Variants in PCDHGA1 observed in about 807,000 individuals in gnomAD.
The protein encoded by PCDHGA1 is protocadherin gamma-A1.
In PCDHGA1, 32 loss-of-function variants were observed where a neutral mutation model predicts 58.0. The ratio of observed to expected loss-of-function variants is 0.55; its 90% confidence interval spans 0.42 to 0.74. The LOEUF (loss-of-function observed/expected upper bound fraction) is 0.74, where lower values mean the gene tolerates loss of function less well. Ranked by LOEUF, PCDHGA1 falls within the 30% of genes least tolerant of loss-of-function variation. PCDHGA1 has a pLI of 0.00. For synonymous variants in PCDHGA1, 498 were observed against 501.1 expected (o/e 0.99, Z 0.08); for missense variants, 1,205 against 1,182.3 (o/e 1.02, Z -0.28).
chr5:141,331,835 G>A lies in PCDHGA1; in HGVS notation c.1151G>A (p.Cys384Tyr). 3.1e-6 allele frequency: 5 copies of A among 1,614,108 alleles called. No homozygotes were observed. The highest frequency in any genetic ancestry group is 4.2e-6 in the Non-Finnish European group (5 of 1,180,008). ...TCAGGAGACAATGGCTACACCACAT[G>A]TTTCATTCCTGGAAATTTACCCTTT... ...QDSGDNGYTT[C>Y]FIPGNLPFKL... Residue 384 changes from cysteine to tyrosine, a missense_variant, in exon 1 of 4, where the codon TGT becomes TAT. Physicochemically the swap from Cys to Tyr is radical, Grantham distance 194. Coordinates refer to ENST00000517417, the MANE Select transcript of PCDHGA1 (RefSeq NM_018912.3).
intron 1 of PCDHGA1, chr5:141,340,823 T>C: frequency 2.5e-6 from 4 of 1,613,808 alleles, no homozygotes; most frequent in Non-Finnish European, 3.4e-6. Flanking sequence ...GGGACTCTTC[T>C]CGGTGGGTCT....
chr5:141,366,656 G>T lies in PCDHGA1; in HGVS notation c.2421+33551G>T, dbSNP rs377532961. On this transcript the variant is annotated intron_variant, in intron 1 of 3. Transcript: ENST00000517417. Reference sequence around the variant, plus strand: ...CCTGATCTTTCCCCAGCCCAACTACGCAGACACGCTCCTTAGTGAAGAGAG... The same window carrying T: ...CCTGATCTTTCCCCAGCCCAACTACTCAGACACGCTCCTTAGTGAAGAGAG... The T allele has an allele frequency of 2.9e-5, 47 of 1,614,238 alleles. No individual in the cohort carries two copies. Among genetic ancestry groups the T allele is most frequent in the Non-Finnish European group, 3.7e-5 (44 of 1,180,046 alleles).
intron 1 of PCDHGA1, among the ~76,000 whole-genome samples, chr5:141,401,115 G>C (rs923480761): frequency 5.9e-5 from 9 of 151,974 alleles, no homozygotes; most frequent in African/African-American, 1.7e-4. Context: ...AGGCCGAGGC[G>C]GTTGGATCAC....
In PCDHGA1 at chr5:141,485,842, T is replaced by C; in HGVS notation, c.2422-8965T>C. ...TCGATGGAGGGAACCCGCCGAGATC[T>C]GGCACCGCAGAGCTCCGGGTATCCG... On this transcript the variant is annotated intron_variant, in intron 1 of 3. Coordinates refer to ENST00000517417, the MANE Select transcript of PCDHGA1 (RefSeq NM_018912.3). This position sits in a 1 kb window ranked among gnomAD's most constrained non-coding sequence, Gnocchi z 5.7. 1 of 1,614,002 alleles carries C rather than the reference T, an allele frequency of 6.2e-7. No homozygotes were observed. Among genetic ancestry groups the C allele is most frequent in the Non-Finnish European group, 8.5e-7 (1 of 1,179,982 alleles).
rs535739297 is a variant in PCDHGA1, at chr5:141,399,960, G to A, written c.2421+66855G>A. ...ACGTGCTGCAGGCTAGCGAGCCCGG[G>A]CTCTTCAGCCTGGGGCTGCGCACAG... On this transcript the variant is annotated intron_variant, in intron 1 of 3. Transcript: ENST00000517417. 8.1e-6 allele frequency: 13 copies of A among 1,612,214 alleles called. No homozygotes were observed. The African/African-American group carries it at 1.6e-4, about 20-fold the overall frequency.
intron 1 of PCDHGA1, chr5:141,413,943 T>A: frequency 1.2e-6 from 2 of 1,613,420 alleles, no homozygotes; most frequent in Non-Finnish European, 1.7e-6. Context: ...TGAGTGTTCC[T>A]GAGAATTTGC....
chr5:141,394,329 T>C (rs769172287), intron 1 of PCDHGA1: 6 of 1,613,980 alleles, frequency 3.7e-6, no homozygotes, highest in Non-Finnish European at 5.1e-6. Context: ...CTCGTATATC[T>C]CCATCAACTC....
intron 1 of PCDHGA1, chr5:141,478,153 T>G (rs1477175391): frequency 3.1e-6 from 5 of 1,613,934 alleles, no homozygotes; most frequent in Middle Eastern, 1.6e-4. Flanking sequence ...AGTTCCCCTC[T>G]GGCTCTGCCC....
chr5:141,331,707 T>C lies in PCDHGA1; in HGVS notation c.1023T>C (p.Asn341=). Residue 341 remains asparagine, a synonymous_variant, in exon 1 of 4, where the codon AAT becomes AAC. Transcript: ENST00000517417. The part of the protein sequence containing the change: ...VKVLIKVLDV[N]DNAPEVTITS... ...TACTGATCAAAGTTTTGGATGTAAA[T>C]GATAATGCCCCAGAAGTGACCATCA... 6.2e-7 allele frequency: 1 copy of C among 1,614,046 alleles called. No individual in the cohort carries two copies. Among genetic ancestry groups the C allele is most frequent in the Non-Finnish European group, 8.5e-7 (1 of 1,180,022 alleles).
chr5:141,402,973 C>T (rs779898665), intron 1 of PCDHGA1: 4 of 1,608,044 alleles, frequency 2.5e-6, no homozygotes, highest in Non-Finnish European at 2.5e-6. Context: ...CAACCAAATG[C>T]CAGCTCCGCG....
intron 1 of PCDHGA1, among the ~76,000 whole-genome samples, chr5:141,469,671 A>G (rs1285283342): frequency 1.3e-5 from 2 of 152,236 alleles, no homozygotes; most frequent in Non-Finnish European, 2.9e-5. Flanking sequence ...TTCTAATAAA[A>G]CTACATATGC....
At chr5:141,352,680 G>A in intron 1 of PCDHGA1, 1 of 1,568,674 alleles carries the variant, frequency 6.4e-7, no homozygotes, top group Non-Finnish European at 8.7e-7. Context: ...GTGAGTTTCT[G>A]CAAATCTAGT....
chr5:141,415,519 A>G, intron 1 of PCDHGA1: 1 of 1,614,182 alleles, frequency 6.2e-7, no homozygotes, highest in Non-Finnish European at 8.5e-7. Context: ...TTATGCGGAC[A>G]CGCTCATCAG....
intron 1 of PCDHGA1, chr5:141,394,431 C>G: frequency 1.2e-6 from 2 of 1,614,252 alleles, no homozygotes; most frequent in Non-Finnish European, 1.7e-6. Context: ...CAGCGGGGAC[C>G]CGCCCCTCAG....
intron 1 of PCDHGA1, among the ~76,000 whole-genome samples, chr5:141,406,069 C>G (rs72790037): frequency 0.11 from 16,670 of 145,514 alleles, 1,088 homozygotes; most frequent in African/African-American, 0.2. Flanking sequence ...AAAATTCTTA[C>G]TCCTTTTTTT....
At position 141,389,943 on chromosome 5, in the gene PCDHGA1, CAGTTTT is replaced by C. The variant is rs777429461; in HGVS notation, c.2421+56840_2421+56845del. The C allele has an allele frequency of 2.5e-6, 4 of 1,613,956 alleles. No homozygotes were observed. In the African/African-American group the frequency reaches 5.3e-5, roughly 22 times the overall value. On this transcript the variant is annotated intron_variant, in intron 1 of 3. Transcript: ENST00000517417. The stretch of plus-strand genomic sequence containing the variant: ...CCCCTCTGACCTCCAGGCTGAGCTG[CAGTTTT>C]ACCTAGTGGTGGCCTTGGCCTTGAT...
In PCDHGA1 at chr5:141,390,225, G is replaced by A. The variant is rs886390636; in HGVS notation, c.2421+57120G>A. 25 of 1,613,922 alleles carry A rather than the reference G, an allele frequency of 1.5e-5. No individual in the cohort carries two copies. Among genetic ancestry groups the A allele is most frequent in the Non-Finnish European group, 1.9e-5 (23 of 1,179,908 alleles). On this transcript the variant is annotated intron_variant, in intron 1 of 3. Transcript: ENST00000517417. Reference sequence around the variant, plus strand: ...TTCAGGACAAGACATACTTTGCGGTGATTCATCTGGGGCCTTATTTCCACT... The same window carrying A: ...TTCAGGACAAGACATACTTTGCGGTAATTCATCTGGGGCCTTATTTCCACT...
intron 1 of PCDHGA1, chr5:141,394,269 C>G (rs367765478): frequency 1.1e-5 from 17 of 1,613,830 alleles, no homozygotes; most frequent in Admixed American, 1.7e-5. Flanking sequence ...GGAGAATGCC[C>G]AGGTCACTTA....
Position 141,490,672 on chromosome 5 carries a change from G to A in PCDHGA1, c.2422-4135G>A. ...GGGCTCCCTTCTTTGCACTGTGGCT[G>A]CCTCAGATCCAGACACTGGGGATAA... is the stretch of plus-strand genomic sequence containing the variant. On this transcript the variant is annotated intron_variant, in intron 1 of 3. Transcript: ENST00000517417. This position sits in a 1 kb window ranked among gnomAD's most constrained non-coding sequence, Gnocchi z 5.4. 1.2e-6 allele frequency: 2 copies of A among 1,614,114 alleles called. No homozygotes were observed. Among genetic ancestry groups the A allele is most frequent in the Non-Finnish European group, 1.7e-6 (2 of 1,179,996 alleles).
Sources: gnomAD v4.1 joint callset for allele counts (sites outside exome capture counted in the v4.1 genomes callset) on GRCh38, gnomAD v4.1.1 for gene constraint, Gnocchi (gnomAD v3.1) non-coding constraint, MANE v1.5 for transcripts, NCBI Gene and HGNC (gene_info 2026-07-23, HGNC 2026-07-21) for gene names.